Variants in HS6ST2 observed in about 807,000 individuals in gnomAD.
HS6ST2 encodes the protein heparan-sulfate 6-O-sulfotransferase 2.
In HS6ST2, 17 loss-of-function variants were observed where a neutral mutation model predicts 33.0. The ratio of observed to expected loss-of-function variants is 0.52; its 90% CI spans 0.35 to 0.77. HS6ST2 has a LOEUF of 0.77. Ranked by LOEUF, HS6ST2 falls within the 30% of genes least tolerant of loss-of-function variation. HS6ST2 has a pLI of 0.01. For synonymous variants in HS6ST2, 248 were observed against 237.1 expected (o/e 1.05, Z -0.42); for missense variants, 519 against 551.7 (o/e 0.94, Z 0.59).
At chrX:132,664,735 T>A (rs1232827763) in intron 4 of HS6ST2, among the ~76,000 whole-genome samples, 1 of 112,268 alleles carries the variant, frequency 8.9e-6, no homozygotes, top group Non-Finnish European at 1.9e-5. Context: ...ACTTGAAAAC[T>A]GGACTTGGTC....
chrX:132,820,042 G>A (rs2065435926), intron 2 of HS6ST2, among the ~76,000 whole-genome samples: 3 of 112,222 alleles, frequency 2.7e-5, no homozygotes, highest in African/African-American at 9.7e-5. Flanking sequence ...GAGCTCTGAA[G>A]CGTTTCATTC....
At chrX:132,734,797 A>C (rs1032398959) in intron 2 of HS6ST2, among the ~76,000 whole-genome samples, 12 of 113,038 alleles carry the variant, frequency 1.1e-4, no homozygotes, top group African/African-American at 3.9e-4. Context: ...CTTTAGGAAA[A>C]GAAAATGCCA....
intron 2 of HS6ST2, among the ~76,000 whole-genome samples, chrX:132,738,937 T>A (rs1186535866): frequency 8.9e-6 from 1 of 111,969 alleles, no homozygotes; most frequent in East Asian, 2.8e-4. Context: ...TGTGGAGGGC[T>A]GGAACAAGCC....
intron 2 of HS6ST2, among the ~76,000 whole-genome samples, chrX:132,755,126 C>A (rs2064746822): frequency 8.9e-6 from 1 of 112,441 alleles, no homozygotes; most frequent in African/African-American, 3.2e-5. Flanking sequence ...TGGAATTACC[C>A]TGCACAAAAG....
chrX:132,824,551 CTA>C (rs1234493180), intron 2 of HS6ST2, among the ~76,000 whole-genome samples: 1 of 112,256 alleles, frequency 8.9e-6, no homozygotes, highest in Non-Finnish European at 1.9e-5. Flanking sequence ...ACTGACTGCT[CTA>C]TGTTGTGAAT....
intron 1 of HS6ST2, among the ~76,000 whole-genome samples, chrX:132,957,580 C>T (rs760861773): frequency 1.8e-5 from 2 of 110,329 alleles, no homozygotes; most frequent in East Asian, 5.8e-4. Context: ...GCCGTTCGCC[C>T]CCTCCCCCCG....
chrX:132,952,076 T>C (rs772249890), intron 2 of HS6ST2, among the ~76,000 whole-genome samples: 1 of 111,953 alleles, frequency 8.9e-6, no homozygotes, highest in Admixed American at 9.5e-5. Context: ...AGTTGATGAC[T>C]GATATCCATG....
intron 2 of HS6ST2, among the ~76,000 whole-genome samples, chrX:132,728,707 G>A (rs993407172): frequency 8.9e-6 from 1 of 112,292 alleles, no homozygotes; most frequent in East Asian, 2.8e-4. Context: ...GAAGAGCACG[G>A]CCTTCTTTAT....
At chrX:132,640,257 TTAAG>T (rs1418573282) in intron 4 of HS6ST2, among the ~76,000 whole-genome samples, 1 of 110,149 alleles carries the variant, frequency 9.1e-6, no homozygotes, top group African/African-American at 3.3e-5. Context: ...CATACAGAGA[TTAAG>T]TGAGAAATGA....
chrX:132,747,563 C>T (rs1276484353), intron 2 of HS6ST2, among the ~76,000 whole-genome samples: 1 of 110,666 alleles, frequency 9.0e-6, no homozygotes, highest in Non-Finnish European at 1.9e-5. Context: ...GAAGAAAGAA[C>T]CCTGAGTTCA....
At chrX:132,859,400 G>A in intron 2 of HS6ST2, among the ~76,000 whole-genome samples, 1 of 111,089 alleles carries the variant, frequency 9.0e-6, no homozygotes, top group Non-Finnish European at 1.9e-5. Flanking sequence ...AGCATTAAAG[G>A]TGAGGAAAAG....
intron 4 of HS6ST2, among the ~76,000 whole-genome samples, chrX:132,664,923 T>C (rs902335078): frequency 8.9e-6 from 1 of 111,917 alleles, no homozygotes; most frequent in Non-Finnish European, 1.9e-5. Context: ...AATCTACATC[T>C]CCTTAGCTTT....
At chrX:132,754,995 C>A (rs865824511) in intron 2 of HS6ST2, among the ~76,000 whole-genome samples, 1 of 111,354 alleles carries the variant, frequency 9.0e-6, no homozygotes, top group Admixed American at 9.5e-5. Flanking sequence ...TTCCGGCATG[C>A]GGCACCATGC....
At chrX:132,831,140 T>A (rs1176703900) in intron 2 of HS6ST2, among the ~76,000 whole-genome samples, 1 of 111,300 alleles carries the variant, frequency 9.0e-6, no homozygotes, top group Non-Finnish European at 1.9e-5. Flanking sequence ...GGAAATCCTG[T>A]GACAAACTAT....
chrX:132,958,671 C>G, upstream of HS6ST2: 1 of 981,541 alleles, frequency 1.0e-6, no homozygotes. Flanking sequence ...TAATGCCTCA[C>G]GCCTAAGAGC....
At chrX:132,745,920 C>G (rs181381152) in intron 2 of HS6ST2, among the ~76,000 whole-genome samples, 1 of 111,665 alleles carries the variant, frequency 9.0e-6, no homozygotes, top group Admixed American at 9.5e-5. Flanking sequence ...TACTTAAAAT[C>G]TTAGGTGAAT....
At chrX:132,899,160 G>A (rs1314667844) in intron 2 of HS6ST2, among the ~76,000 whole-genome samples, 1 of 111,528 alleles carries the variant, frequency 9.0e-6, no homozygotes, top group Non-Finnish European at 1.9e-5. Context: ...ACTGCATGCT[G>A]GTTCAAAGTT....
chrX:132,712,377 T>C (rs1157805925), intron 2 of HS6ST2, among the ~76,000 whole-genome samples: 6 of 112,123 alleles, frequency 5.4e-5, no homozygotes, highest in Non-Finnish European at 1.1e-4. Context: ...AAATGCCTTA[T>C]GTTAATACAT....
intron 3 of HS6ST2, among the ~76,000 whole-genome samples, chrX:132,674,995 A>C (rs2063912955): frequency 8.9e-6 from 1 of 111,793 alleles, no homozygotes; most frequent in African/African-American, 3.3e-5. Context: ...TTGGGGATTG[A>C]CTATGTTTGG....
Sources: gnomAD v4.1 joint callset for allele counts (sites outside exome capture counted in the v4.1 genomes callset) on GRCh38, gnomAD v4.1.1 for gene constraint, MANE v1.5 for transcripts, NCBI Gene and HGNC (gene_info 2026-07-23, HGNC 2026-07-21) for gene names.